The following XPR1 variants were observed in gnomAD, a reference collection of about 807,000 sequenced individuals.
XPR1 encodes the protein xenotropic and polytropic retrovirus receptor 1, also known as solute carrier family 53 member 1.
Under a neutral mutation model 87.5 loss-of-function variants are expected in XPR1, and 28 were observed. That is an observed-to-expected ratio of 0.32 (90% CI 0.24 to 0.44). The LOEUF (loss-of-function observed/expected upper bound fraction) is 0.44, where lower values mean the gene tolerates loss of function less well. XPR1 is among the 20% of genes least tolerant of loss of function. The pLI is 1.00. For missense variants in XPR1, 559 were observed against 862.3 expected (o/e 0.65, Z 4.41); for synonymous variants, 300 against 306.1 (o/e 0.98, Z 0.21).
intron 2 of XPR1, among the ~76,000 whole-genome samples, chr1:180,730,221 C>T (rs991820220): frequency 2.0e-5 from 3 of 152,078 alleles, no homozygotes; most frequent in African/African-American, 7.2e-5. Flanking sequence ...TATTTCTGGG[C>T]TCTCTATTCT....
intron 2 of XPR1, among the ~76,000 whole-genome samples, chr1:180,715,899 C>G: frequency 6.6e-6 from 1 of 152,150 alleles, no homozygotes; most frequent in East Asian, 1.9e-4. Context: ...TCTCCAACTT[C>G]CGACCTCAGA....
chr1:180,658,737 T>G (rs1258206367), intron 1 of XPR1, among the ~76,000 whole-genome samples: 2 of 151,654 alleles, frequency 1.3e-5, no homozygotes, highest in South Asian at 2.1e-4. Flanking sequence ...GCTTTTTTTT[T>G]TTTTTGTATT....
intron 1 of XPR1, among the ~76,000 whole-genome samples, chr1:180,656,358 T>C (rs1465302905): frequency 2.8e-5 from 3 of 106,138 alleles, no homozygotes; most frequent in Non-Finnish European, 5.3e-5. Context: ...TTAATATTTA[T>C]ATATATAATA....
intron 11 of XPR1, among the ~76,000 whole-genome samples, chr1:180,845,281 A>C (rs1428629730): frequency 6.6e-6 from 1 of 152,238 alleles, no homozygotes; most frequent in African/African-American, 2.4e-5. Flanking sequence ...AAAATCATTC[A>C]TACCTTTTGA....
intron 2 of XPR1, among the ~76,000 whole-genome samples, chr1:180,742,043 TCTTG>T (rs1277374167): frequency 6.6e-6 from 1 of 152,140 alleles, no homozygotes; most frequent in Non-Finnish European, 1.5e-5. Flanking sequence ...TCTCTGTCAG[TCTTG>T]CTTGAGTTTT....
At chr1:180,790,742 C>T (rs113602746) in intron 3 of XPR1, among the ~76,000 whole-genome samples, 6,534 of 152,086 alleles carry the variant, frequency 0.043, 501 homozygotes, top group African/African-American at 0.15. Context: ...GGGGTTTCAC[C>T]GTGTTAACCA....
chr1:180,644,447 G>T (rs562743973), intron 1 of XPR1, among the ~76,000 whole-genome samples: 1 of 147,566 alleles, frequency 6.8e-6, no homozygotes, highest in Non-Finnish European at 1.5e-5. Flanking sequence ...ACTGATACTG[G>T]TCTGTGACTT....
chr1:180,819,846 C>G (rs933077200), intron 7 of XPR1, among the ~76,000 whole-genome samples: 9 of 151,920 alleles, frequency 5.9e-5, no homozygotes, highest in African/African-American at 2.2e-4. Flanking sequence ...GGCAAAACCC[C>G]GTCTCTACTA....
chr1:180,725,588 CAT>C (rs1173820695), intron 2 of XPR1, among the ~76,000 whole-genome samples: 1 of 152,178 alleles, frequency 6.6e-6, no homozygotes, highest in Non-Finnish European at 1.5e-5. Flanking sequence ...TAAAGAGAAA[CAT>C]ATTTTTGCAT....
At chr1:180,738,039 T>C in intron 2 of XPR1, among the ~76,000 whole-genome samples, 1 of 151,964 alleles carries the variant, frequency 6.6e-6, no homozygotes, top group Non-Finnish European at 1.5e-5. Context: ...TGAGATGGAG[T>C]CTTGCTCTGT....
At position 180,646,664 on chromosome 1, in the gene XPR1, A is replaced by C. The variant is rs118026814; in HGVS notation, c.69+14394A>C. Among the ~76,000 whole-genome samples, 608 of 152,204 alleles carry C rather than the reference A, an allele frequency of 4.0e-3. 31 individuals are homozygous for C. In the East Asian group the frequency reaches 0.11, roughly 28 times the overall value. ...ATTGGGTCTTTTCCCCTATTCAAAG[A>C]AGCTCTCTGCTCACATTTGTTTTTT... On this transcript the variant is annotated intron_variant, in intron 1 of 14. Coordinates refer to ENST00000367590, the MANE Select transcript of XPR1 (RefSeq NM_004736.4).
chr1:180,781,545 A>G (rs922395870), intron 2 of XPR1, among the ~76,000 whole-genome samples: 6 of 151,686 alleles, frequency 4.0e-5, no homozygotes, highest in African/African-American at 9.7e-5. Context: ...TGTAAAAAGC[A>G]CTTGATGGTG....
intron 12 of XPR1, among the ~76,000 whole-genome samples, chr1:180,866,997 A>G (rs769934): frequency 9.6e-6 from 1 of 104,400 alleles, no homozygotes; most frequent in African/African-American, 3.9e-5. Context: ...AGAGTGTGAT[A>G]TTCCCCTTCC....
At chr1:180,854,009 A>G (rs1558039647) in intron 11 of XPR1, among the ~76,000 whole-genome samples, 2 of 152,148 alleles carry the variant, frequency 1.3e-5, no homozygotes, top group Non-Finnish European at 2.9e-5. Context: ...TTTGTTGTAA[A>G]GGAAAAAAAT....
Position 180,863,787 on chromosome 1 carries a change from C to G in XPR1, c.1581C>G (p.Ile527Met), listed in dbSNP as rs146785566. Residue 527 changes from isoleucine (I) to methionine (M), a missense_variant, in exon 12 of 15, where the codon ATC becomes ATG. Ile to Met is a conservative substitution (Grantham distance 10). This residue lies in a region of XPR1 where 264 missense variants were observed against 377.2 expected (regional missense o/e 0.70). Transcript: ENST00000367590. ...TCATCAGTTCCTGCTATACCCTCAT[C>G]TGGGATCTCAAGATGGACTGGGGTC... is the stretch of plus-strand genomic sequence containing the variant. Reference protein sequence around the residue: ...FYIISSCYTLIWDLKMDWGLF... With the variant: ...FYIISSCYTLMWDLKMDWGLF... 102 of 1,611,878 alleles carry G rather than the reference C, an allele frequency of 6.3e-5. No homozygotes were observed. Among genetic ancestry groups the G allele is most frequent in the Admixed American group, 8.4e-5 (5 of 59,578 alleles).
At chr1:180,736,063 G>A (rs563687379) in intron 2 of XPR1, among the ~76,000 whole-genome samples, 3 of 152,294 alleles carry the variant, frequency 2.0e-5, no homozygotes, top group African/African-American at 7.2e-5. Context: ...ATAATTAGAA[G>A]TATGTAAGCA....
At chr1:180,855,248 A>G (rs1299284790) in intron 11 of XPR1, among the ~76,000 whole-genome samples, 1 of 152,254 alleles carries the variant, frequency 6.6e-6, no homozygotes, top group Non-Finnish European at 1.5e-5. Context: ...GTATAAGCAC[A>G]AGCAAAATGT....
chr1:180,863,720 C>T lies in XPR1; in HGVS notation c.1514C>T (p.Ser505Leu), dbSNP rs1467919564. The T allele has an allele frequency of 3.2e-6, 5 of 1,581,404 alleles. No homozygotes were observed. The highest frequency in any genetic ancestry group is 1.2e-5 in the South Asian group (1 of 84,236). Residue 505 changes from serine (S) to leucine (L), a missense_variant, in exon 12 of 15, where the codon TCG becomes TTG. This residue lies in a region of XPR1 where 264 missense variants were observed against 377.2 expected (regional missense o/e 0.70). Coordinates refer to ENST00000367590, the MANE Select transcript of XPR1 (RefSeq NM_004736.4). ...LYSTHKERGH[S>L]DTMVFFYLWI... Reference sequence around the variant, plus strand: ...CTTCTTTCTTCAGAACGAGGTCACTCGGACACTATGGTGTTCTTTTACCTG... The same window carrying T: ...CTTCTTTCTTCAGAACGAGGTCACTTGGACACTATGGTGTTCTTTTACCTG...
Position 180,886,041 on chromosome 1 carries a change from T to C in XPR1, c.*1975T>C, listed in dbSNP as rs950318550. Reference sequence around the variant, plus strand: ...GTGCTTCTATTGCTTTTTTGTGTTTTGTTAAGCATGTCCCTTGGCCCAAAT... The same window carrying C: ...GTGCTTCTATTGCTTTTTTGTGTTTCGTTAAGCATGTCCCTTGGCCCAAAT... On this transcript the variant is annotated 3_prime_UTR_variant, in exon 15 of 15. Transcript: ENST00000367590. 2 of 152,240 alleles carry C rather than the reference T, an allele frequency of 1.3e-5. No individual in the cohort carries two copies. Among genetic ancestry groups the C allele is most frequent in the Admixed American group, 1.3e-4 (2 of 15,284 alleles). 9.4% of individuals were successfully genotyped at this position (152,240 alleles called of 1,614,324 possible).
Sources: gnomAD v4.1 joint callset for allele counts (sites outside exome capture counted in the v4.1 genomes callset) on GRCh38, gnomAD v4.1.1 for gene constraint, gnomAD v4.1.1 regional missense constraint, MANE v1.5 for transcripts, NCBI Gene and HGNC (gene_info 2026-07-23, HGNC 2026-07-21) for gene names.